TENM4: variants seen among roughly 807,000 people sequenced by gnomAD.
The protein encoded by TENM4 is teneurin transmembrane protein 4.
TENM4 carries 82 observed loss-of-function variants against 243.3 expected under a neutral mutation model. The ratio of observed to expected loss-of-function variants is 0.34; its 90% CI spans 0.28 to 0.40. The LOEUF (loss-of-function observed/expected upper bound fraction) is 0.40, where lower values mean the gene tolerates loss of function less well. Among genes scored for constraint, TENM4 ranks in the 10% least tolerant of loss-of-function variants. The pLI, the probability that TENM4 is intolerant of heterozygous loss-of-function variation, is 1.00. For missense variants in TENM4, 3,138 were observed against 3,673.3 expected, an observed-to-expected ratio of 0.85 and a Z score of 3.77; for synonymous variants, 1,412 against 1,456.3, an observed-to-expected ratio of 0.97 and a Z score of 0.69.
chr11:79,112,003 G>A (rs1283364525), intron 4 of TENM4, among the ~76,000 whole-genome samples: 1 of 152,170 alleles, frequency 6.6e-6, no homozygotes, highest in Non-Finnish European at 1.5e-5. Context: ...CACTGCAGGA[G>A]GGCAAGGTGG....
Position 79,310,671 on chromosome 11 carries a change from A to AC in TENM4, c.-320-13129dup, listed in dbSNP as rs1856704291. The stretch of plus-strand genomic sequence containing the variant: ...GCAGCTTTCATCCTGCCTGTTCTAG[A>AC]CCATGGCTTGTCCCAGGCATGGAGC... On this transcript the variant is annotated intron_variant, in intron 1 of 33. Coordinates refer to ENST00000278550, the MANE Select transcript of TENM4 (RefSeq NM_001098816.3). Among the ~76,000 whole-genome samples, 7 of 152,312 alleles carry AC rather than the reference A, an allele frequency of 4.6e-5. No individual in the cohort carries two copies. In the South Asian group the frequency reaches 1.5e-3, roughly 32 times the overall value.
chr11:79,099,648 A>G lies in TENM4; in HGVS notation c.-65-29639T>C, dbSNP rs567712465. ...CAGGGATTGTTTAGGAAGGACTGGG[A>G]CTACAGCTCTTCAATGCTGACACCC... On this transcript the variant is annotated intron_variant, in intron 4 of 33. Transcript: ENST00000278550. Among the ~76,000 whole-genome samples the G allele has an allele frequency of 9.2e-5, 14 of 152,310 alleles. No individual in the cohort carries two copies. The East Asian group carries it at 2.1e-3, about 23-fold the overall frequency.
At chr11:78,864,248 A>G (rs983734481) in intron 9 of TENM4, among the ~76,000 whole-genome samples, 1 of 152,018 alleles carries the variant, frequency 6.6e-6, no homozygotes, top group South Asian at 2.1e-4. Flanking sequence ...CCATGTGCAT[A>G]TATTTCTGTT....
intron 9 of TENM4, among the ~76,000 whole-genome samples, chr11:78,875,186 A>G (rs1027548464): frequency 1.3e-5 from 2 of 152,150 alleles, no homozygotes; most frequent in African/African-American, 4.8e-5. Context: ...GGACAGACGG[A>G]TGGATGTTCA....
At chr11:78,927,849 T>TTCTCTC (rs56853062) in intron 6 of TENM4, among the ~76,000 whole-genome samples, 25 of 149,398 alleles carry the variant, frequency 1.7e-4, no homozygotes, top group Middle Eastern at 3.5e-3. Context: ...AAGCATCCTG[T>TTCTCTC]TCTCTCTCTC....
At chr11:79,254,417 C>T (rs1005915762) in intron 2 of TENM4, among the ~76,000 whole-genome samples, 1 of 152,152 alleles carries the variant, frequency 6.6e-6, no homozygotes, top group Admixed American at 6.5e-5. Flanking sequence ...TAAATGGGCT[C>T]TTTGGTATAA....
chr11:78,788,881 C>T (rs962134516), intron 15 of TENM4, among the ~76,000 whole-genome samples: 3 of 152,160 alleles, frequency 2.0e-5, no homozygotes, highest in African/African-American at 7.2e-5. Context: ...ATGTGGGATT[C>T]TATGACAGAG....
intron 2 of TENM4, among the ~76,000 whole-genome samples, chr11:79,272,667 A>T (rs1471088559): frequency 6.6e-6 from 1 of 151,934 alleles, no homozygotes. Flanking sequence ...GCCTCTTCTC[A>T]CATGTTCTTC....
intron 1 of TENM4, among the ~76,000 whole-genome samples, chr11:79,422,391 T>C (rs996026540): frequency 6.6e-6 from 1 of 152,024 alleles, no homozygotes; most frequent in Admixed American, 6.6e-5. Flanking sequence ...TGCTGTGTGG[T>C]CTTGGGCAAT....
intron 1 of TENM4, among the ~76,000 whole-genome samples, chr11:79,346,692 A>C (rs949260247): frequency 3.3e-5 from 5 of 152,148 alleles, no homozygotes; most frequent in Non-Finnish European, 5.9e-5. Context: ...TGGAATTCTA[A>C]AAATCCGCTT....
At chr11:78,894,597 G>GGGTGC (rs199542851) in intron 7 of TENM4, among the ~76,000 whole-genome samples, 1,797 of 152,322 alleles carry the variant, frequency 0.012, 37 homozygotes, top group African/African-American at 0.041. Flanking sequence ...TAGAGTAAGA[G>GGGTGC]GGTGCCCCAG....
chr11:79,146,812 C>G (rs193218762), intron 4 of TENM4, among the ~76,000 whole-genome samples: 2 of 152,080 alleles, frequency 1.3e-5, no homozygotes, highest in Non-Finnish European at 2.9e-5. Flanking sequence ...CCACTCTTAT[C>G]AAATAATGTG....
intron 7 of TENM4, among the ~76,000 whole-genome samples, chr11:78,894,660 T>C (rs1426364538): frequency 6.6e-6 from 1 of 152,146 alleles, no homozygotes; most frequent in Non-Finnish European, 1.5e-5. Flanking sequence ...ATTATTTAGA[T>C]CTCTCTGGAA....
chr11:79,097,007 C>T (rs562944104), intron 4 of TENM4: 35 of 152,132 alleles, frequency 2.3e-4, no homozygotes, highest in African/African-American at 8.5e-4. Flanking sequence ...CTGATAATAG[C>T]AACCACTAAT....
intron 3 of TENM4, among the ~76,000 whole-genome samples, chr11:79,190,467 C>T (rs971077672): frequency 1.3e-5 from 2 of 152,146 alleles, no homozygotes; most frequent in African/African-American, 2.4e-5. Context: ...TTCTTTAAGA[C>T]CTTCAAGACC....
chr11:78,998,837 T>C (rs1282706841), intron 6 of TENM4, among the ~76,000 whole-genome samples: 1 of 152,188 alleles, frequency 6.6e-6, no homozygotes, highest in Non-Finnish European at 1.5e-5. Context: ...TTGGCTGAGA[T>C]GTGAATGAAT....
intron 9 of TENM4, among the ~76,000 whole-genome samples, chr11:78,873,315 T>C (rs1311240239): frequency 6.6e-6 from 1 of 152,236 alleles, no homozygotes; most frequent in Admixed American, 6.5e-5. Context: ...ATGATGATGA[T>C]AATGTTAACA....
At chr11:78,833,512 A>G (rs1054481845) in intron 12 of TENM4, among the ~76,000 whole-genome samples, 1 of 152,130 alleles carries the variant, frequency 6.6e-6, no homozygotes, top group African/African-American at 2.4e-5. Flanking sequence ...GGTCAAACAC[A>G]CCAGGTCATT....
At position 78,671,011 on chromosome 11, in the gene TENM4, A is replaced by G. The variant is rs1244252218; in HGVS notation, c.5794-460T>C. 2.6e-5 allele frequency among the ~76,000 whole-genome samples: 4 copies of G among 152,354 alleles called. No homozygotes were observed. In the East Asian group the frequency reaches 7.7e-4, roughly 29 times the overall value. On this transcript the variant is annotated intron_variant, in intron 31 of 33. Coordinates refer to ENST00000278550, the MANE Select transcript of TENM4 (RefSeq NM_001098816.3). The stretch of plus-strand genomic sequence containing the variant: ...ACTTCTCAAACCAATCTTCCTATTC[A>G]GGCAAGAGTGAGCTCCTCCAAACAC...
Sources: allele counts gnomAD v4.1 joint callset (sites outside exome capture counted in the v4.1 genomes callset), GRCh38; gene constraint gnomAD v4.1.1; transcripts MANE v1.5; gene names NCBI Gene and HGNC (gene_info 2026-07-23, HGNC 2026-07-21).